Variants in ACVR1C observed in about 807,000 individuals in gnomAD.
ACVR1C encodes activin receptor type-1C.
Under a neutral mutation model 57.9 loss-of-function variants are expected in ACVR1C, and 23 were observed. The ratio of observed to expected loss-of-function variants is 0.40; its 90% CI spans 0.29 to 0.56. The LOEUF is 0.56. ACVR1C is among the 20% of genes least tolerant of loss of function. ACVR1C has a pLI of 0.50. For synonymous variants in ACVR1C, 214 were observed against 215.3 expected, an observed-to-expected ratio of 0.99 and a Z score of 0.05; for missense variants, 480 against 607.9, an observed-to-expected ratio of 0.79 and a Z score of 2.21.
Position 157,553,814 on chromosome 2 carries a change from A to ATAT in ACVR1C, c.544+2278_544+2279insATA, listed in dbSNP as rs1410774955. 2.0e-5 allele frequency among the ~76,000 whole-genome samples: 3 copies of ATAT among 152,160 alleles called. No homozygotes were observed. In the East Asian group the frequency reaches 5.8e-4, roughly 29 times the overall value. Reference sequence around the variant, plus strand: ...CTAGAATGTTGTCAATATTCAAGAAATCAGGGCACAGTGGGCCTCAAAGTG... The same window carrying ATAT: ...CTAGAATGTTGTCAATATTCAAGAAATATTCAGGGCACAGTGGGCCTCAAAGTG... On this transcript the variant is annotated intron_variant, in intron 3 of 8. Coordinates refer to ENST00000243349, the MANE Select transcript of ACVR1C (RefSeq NM_145259.3).
intron 4 of ACVR1C, among the ~76,000 whole-genome samples, chr2:157,549,117 A>G (rs560476000): frequency 6.6e-6 from 1 of 152,294 alleles, no homozygotes; most frequent in South Asian, 2.1e-4. Context: ...GCACTTTAGG[A>G]GGCCGAGGGG....
At chr2:157,577,610 A>T (rs1688694598) in intron 2 of ACVR1C, among the ~76,000 whole-genome samples, 1 of 152,182 alleles carries the variant, frequency 6.6e-6, no homozygotes. Flanking sequence ...TGTATGATAT[A>T]TATTTACCAT....
chr2:157,554,201 G>GAGAGAGAAAGAAAGAA (rs1553481316), intron 3 of ACVR1C, among the ~76,000 whole-genome samples: 10 of 41,446 alleles, frequency 2.4e-4, no homozygotes, highest in African/African-American at 5.7e-4. Context: ...ATAAAGAAGA[G>GAGAGAGAAAGAAAGAA]AGAAAGAAAG....
intron 4 of ACVR1C, 127 bp downstream of exon 4, chr2:157,550,035 A>G (rs554891948): frequency 7.0e-4 from 177 of 252,942 alleles, no homozygotes; most frequent in Middle Eastern, 5.5e-3. Flanking sequence ...AAGGAAAAGG[A>G]AAAAAAAAAA....
At chr2:157,601,655 G>A (rs1247504486) in intron 1 of ACVR1C, among the ~76,000 whole-genome samples, 1 of 152,138 alleles carries the variant, frequency 6.6e-6, no homozygotes, top group Non-Finnish European at 1.5e-5. Flanking sequence ...TTGTAGCTGC[G>A]TCTGAGTTTA....
At chr2:157,614,591 C>T (rs980980737) in intron 1 of ACVR1C, among the ~76,000 whole-genome samples, 8 of 152,214 alleles carry the variant, frequency 5.3e-5, no homozygotes, top group East Asian at 1.9e-4. Context: ...ATATGAGAGA[C>T]GAGTTTGAAG....
chr2:157,590,048 TAACTC>T (rs557634462), intron 1 of ACVR1C, among the ~76,000 whole-genome samples: 75 of 152,022 alleles, frequency 4.9e-4, no homozygotes, highest in African/African-American at 1.7e-3. Flanking sequence ...ATTAAAGACT[TAACTC>T]AAAGCCCTAA....
chr2:157,535,874 G>A (rs986709441), intron 8 of ACVR1C, among the ~76,000 whole-genome samples: 13 of 152,128 alleles, frequency 8.5e-5, no homozygotes, highest in East Asian at 1.9e-4. Flanking sequence ...CAACATATAC[G>A]TTGTTCACTT....
chr2:157,613,231 C>T (rs1433837763), intron 1 of ACVR1C, among the ~76,000 whole-genome samples: 2 of 152,174 alleles, frequency 1.3e-5, no homozygotes, highest in Non-Finnish European at 2.9e-5. Flanking sequence ...GTGATCTCTC[C>T]TAGATGTTCT....
At chr2:157,574,088 T>C (rs545442680) in intron 2 of ACVR1C, among the ~76,000 whole-genome samples, 6 of 152,312 alleles carry the variant, frequency 3.9e-5, no homozygotes, top group African/African-American at 1.4e-4. Context: ...TTCAAGGATG[T>C]CATATCTTCT....
At chr2:157,584,013 G>C (rs1187594274) in intron 2 of ACVR1C, among the ~76,000 whole-genome samples, 1 of 151,866 alleles carries the variant, frequency 6.6e-6, no homozygotes, top group Non-Finnish European at 1.5e-5. Flanking sequence ...AGATAAATCA[G>C]ACTTCATCAA....
chr2:157,550,254 T>C lies in ACVR1C; in HGVS notation c.683A>G (p.Asp228Gly). Residue 228 changes from aspartate (D) to glycine (G), a missense_variant, in exon 4 of 9, where the codon GAT becomes GGT. Physicochemically the swap from Asp to Gly is moderately conservative, Grantham distance 94. Coordinates refer to ENST00000243349, the MANE Select transcript of ACVR1C (RefSeq NM_145259.3). ...TGCCTCACGAAACCAAGATCTTTCA[T>C]CTCTGGAGGAGAATATTTTCACAGC... is the stretch of plus-strand genomic sequence containing the variant. ...DVAVKIFSSR[D>G]ERSWFREAEI... 1 of 1,614,160 alleles carries C rather than the reference T, an allele frequency of 6.2e-7. No homozygotes were observed. Among genetic ancestry groups the C allele is most frequent in the Non-Finnish European group, 8.5e-7 (1 of 1,180,036 alleles).
At chr2:157,572,393 A>G (rs922603892) in intron 2 of ACVR1C, among the ~76,000 whole-genome samples, 5 of 150,980 alleles carry the variant, frequency 3.3e-5, no homozygotes, top group African/African-American at 9.7e-5. Context: ...AAAAAAAAAA[A>G]GTCTATGCTA....
At chr2:157,566,934 C>G (rs1174035670) in intron 2 of ACVR1C, among the ~76,000 whole-genome samples, 3 of 144,406 alleles carry the variant, frequency 2.1e-5, no homozygotes, top group Non-Finnish European at 4.6e-5. Context: ...AACAAAAAGA[C>G]AGCAGTAACC....
intron 2 of ACVR1C, among the ~76,000 whole-genome samples, chr2:157,564,221 CA>C: frequency 6.6e-6 from 1 of 152,052 alleles, no homozygotes; most frequent in East Asian, 1.9e-4. Flanking sequence ...ACCCATTAGA[CA>C]AAGGTCCAGT....
At chr2:157,540,157 G>C (rs915773102) in intron 7 of ACVR1C, among the ~76,000 whole-genome samples, 1 of 152,100 alleles carries the variant, frequency 6.6e-6, no homozygotes, top group Non-Finnish European at 1.5e-5. Flanking sequence ...TTACAGATGA[G>C]AAAATTACAA....
intron 1 of ACVR1C, among the ~76,000 whole-genome samples, chr2:157,625,668 T>G (rs1034225767): frequency 6.6e-6 from 1 of 152,108 alleles, no homozygotes; most frequent in Non-Finnish European, 1.5e-5. Context: ...CTCACCCTGG[T>G]TATTAAGGAA....
intron 3 of ACVR1C, among the ~76,000 whole-genome samples, chr2:157,554,205 A>AAGAG (rs1326591285): frequency 1.5e-5 from 1 of 68,706 alleles, no homozygotes; most frequent in Non-Finnish European, 2.9e-5. Flanking sequence ...AGAAGAGAGA[A>AAGAG]AGAAAGAAAG....
At chr2:157,617,132 A>T (rs906481448) in intron 1 of ACVR1C, among the ~76,000 whole-genome samples, 1 of 152,072 alleles carries the variant, frequency 6.6e-6, no homozygotes, top group Non-Finnish European at 1.5e-5. Context: ...TACTAAACAT[A>T]AGAAAATTGG....
Sources: gnomAD v4.1 joint callset for allele counts (sites outside exome capture counted in the v4.1 genomes callset) on GRCh38, gnomAD v4.1.1 for gene constraint, MANE v1.5 for transcripts, NCBI Gene and HGNC (gene_info 2026-07-23, HGNC 2026-07-21) for gene names.